The following TLE4 variants were observed in gnomAD, a reference collection of about 807,000 sequenced individuals.
TLE4 encodes transducin-like enhancer protein 4.
TLE4 carries 8 observed loss-of-function variants against 92.8 expected under a neutral mutation model. The observed-to-expected ratio is 0.09, with a 90% CI of 0.05 to 0.16. TLE4 has a LOEUF of 0.16. Ranked by LOEUF, TLE4 falls within the 10% of genes least tolerant of loss-of-function variation. The pLI, the probability that TLE4 is intolerant of heterozygous loss-of-function variation, is 1.00. For synonymous variants in TLE4, 371 were observed against 374.1 expected, an observed-to-expected ratio of 0.99 and a Z score of 0.10; for missense variants, 675 against 997.6, an observed-to-expected ratio of 0.68 and a Z score of 4.36.
At chr9:79,707,014 T>C in intron 11 of TLE4, 115 bp downstream of exon 11, 2 of 1,562,714 alleles carry the variant, frequency 1.3e-6, no homozygotes. Flanking sequence ...TTTCCAAATG[T>C]ATATATGTTC....
At chr9:79,690,236 A>G (rs2066766042) in intron 8 of TLE4, among the ~76,000 whole-genome samples, 1 of 152,118 alleles carries the variant, frequency 6.6e-6, no homozygotes, top group African/African-American at 2.4e-5. Flanking sequence ...ATTCTTCCCA[A>G]GCAGTTCCAG....
intron 6 of TLE4, chr9:79,649,921 TTG>T: frequency 7.6e-7 from 1 of 1,321,172 alleles, no homozygotes; most frequent in African/African-American, 1.5e-5. Flanking sequence ...TTTTTGTTTT[TTG>T]TTTTTTTTTT....
Position 79,679,130 on chromosome 9 carries a change from T to C in TLE4, c.609+25055T>C, listed in dbSNP as rs560013715. Among the ~76,000 whole-genome samples, 10 of 152,204 alleles carry C rather than the reference T, an allele frequency of 6.6e-5. No individual in the cohort carries two copies. In the East Asian group the frequency reaches 1.9e-3, roughly 29 times the overall value. On this transcript the variant is annotated intron_variant, in intron 8 of 19. Coordinates refer to ENST00000376552, the MANE Select transcript of TLE4 (RefSeq NM_007005.6). ...AGCATGATGTATAGTCCTTTGGGTA[T>C]ATACCCAGTAATGGGATGGCTGGGT...
intron 5 of TLE4, among the ~76,000 whole-genome samples, chr9:79,615,251 T>G (rs946329882): frequency 6.6e-6 from 1 of 152,132 alleles, no homozygotes; most frequent in Non-Finnish European, 1.5e-5. Flanking sequence ...TTCAGAGGCA[T>G]GGAAAATCAC....
chr9:79,604,788 TA>T (rs1007355566), intron 4 of TLE4, among the ~76,000 whole-genome samples: 3 of 152,202 alleles, frequency 2.0e-5, no homozygotes, highest in Admixed American at 6.5e-5. Context: ...TTTATTCCTG[TA>T]TCCAAAATTC....
intron 4 of TLE4, among the ~76,000 whole-genome samples, chr9:79,603,721 TGTAGC>T (rs1363939747): frequency 2.0e-5 from 3 of 152,120 alleles, no homozygotes; most frequent in African/African-American, 7.2e-5. Context: ...CCCAAACAAT[TGTAGC>T]GTGCCTGCAA....
At chr9:79,686,598 CA>C (rs1013849362) in intron 8 of TLE4, among the ~76,000 whole-genome samples, 3 of 152,106 alleles carry the variant, frequency 2.0e-5, no homozygotes, top group African/African-American at 7.2e-5. Context: ...CATGAGAAAG[CA>C]AAGAGGAAAG....
At chr9:79,607,648 G>GT (rs1224749968) in intron 4 of TLE4, among the ~76,000 whole-genome samples, 1 of 152,064 alleles carries the variant, frequency 6.6e-6, no homozygotes, top group East Asian at 1.9e-4. Context: ...CCCATTGCTT[G>GT]TTTTTGTCAG....
At chr9:79,644,153 T>C (rs2057687258) in intron 6 of TLE4, among the ~76,000 whole-genome samples, 2 of 152,190 alleles carry the variant, frequency 1.3e-5, no homozygotes, top group African/African-American at 4.8e-5. Flanking sequence ...CATGCTATTC[T>C]TGTGATACTA....
chr9:79,634,332 A>G (rs2055133397), intron 6 of TLE4, among the ~76,000 whole-genome samples: 1 of 152,208 alleles, frequency 6.6e-6, no homozygotes, highest in Admixed American at 6.5e-5. Flanking sequence ...CAATAAAGCT[A>G]GTTTCCATGG....
At chr9:79,627,475 G>C (rs2052910702) in intron 6 of TLE4, 27 bp downstream of exon 6, 2 of 1,609,542 alleles carry the variant, frequency 1.2e-6, no homozygotes, top group African/African-American at 2.7e-5. Flanking sequence ...TTTTAGCTCT[G>C]ATCTTAGTGT....
chr9:79,573,653 T>C (rs770372610), intron 1 of TLE4, 36 bp from the exon 2 acceptor site: 26 of 1,527,392 alleles, frequency 1.7e-5, no homozygotes, highest in African/African-American at 2.7e-5. Context: ...TCGCCTGTGA[T>C]GTGGGCTAAT....
intron 5 of TLE4, among the ~76,000 whole-genome samples, chr9:79,624,078 A>G (rs1317618077): frequency 2.6e-5 from 4 of 151,800 alleles, no homozygotes; most frequent in East Asian, 1.9e-4. Flanking sequence ...AGTGGAAGAC[A>G]AGGCAGACAT....
chr9:79,711,192 C>T (rs1246773899), intron 14 of TLE4, among the ~76,000 whole-genome samples: 1 of 152,182 alleles, frequency 6.6e-6, no homozygotes, highest in African/African-American at 2.4e-5. Context: ...ACAGTGCTGG[C>T]TCCACAGCCA....
intron 5 of TLE4, 61 bp downstream of exon 5, chr9:79,612,779 A>G: frequency 1.4e-6 from 2 of 1,417,170 alleles, no homozygotes; most frequent in Non-Finnish European, 1.0e-6. Flanking sequence ...TTTGCAGAAA[A>G]GGGATTGTAG....
At position 79,606,483 on chromosome 9, in the gene TLE4, C is replaced by T. The variant is rs1050320146; in HGVS notation, c.253-6173C>T. ...ATGTGGTTTGCTGCAGCCATCAACT[C>T]GTCATTTACATTAGGTATTTCTCCT... is the stretch of plus-strand genomic sequence containing the variant. On this transcript the variant is annotated intron_variant, in intron 4 of 19. Transcript: ENST00000376552. 6.0e-5 allele frequency among the ~76,000 whole-genome samples: 9 copies of T among 151,194 alleles called. No homozygotes were observed. The East Asian group carries it at 7.8e-4, about 13-fold the overall frequency.
intron 8 of TLE4, among the ~76,000 whole-genome samples, chr9:79,679,198 C>T (rs1012516222): frequency 1.4e-4 from 22 of 152,110 alleles, no homozygotes; most frequent in Admixed American, 5.2e-4. Flanking sequence ...AATCGCCACA[C>T]TGACTTCCAC....
rs116117439 is a variant in TLE4, at chr9:79,685,710, G to A, written c.610-19073G>A. Among the ~76,000 whole-genome samples, 323 of 152,288 alleles carry A rather than the reference G, an allele frequency of 2.1e-3. 1 individual carries two copies. Among genetic ancestry groups the A allele is most frequent in the African/African-American group, 7.5e-3 (313 of 41,562 alleles). The stretch of plus-strand genomic sequence containing the variant: ...ATTTGGATTGAACAGAAGGTCATAT[G>A]TCTGAACATCACTTATCCCACTTAA... On this transcript the variant is annotated intron_variant, in intron 8 of 19. Transcript: ENST00000376552.
At chr9:79,637,732 A>G (rs1199286920) in intron 6 of TLE4, among the ~76,000 whole-genome samples, 1 of 152,194 alleles carries the variant, frequency 6.6e-6, no homozygotes, top group Non-Finnish European at 1.5e-5. Flanking sequence ...TTATAAACAC[A>G]GCTGTTAAGG....
Sources: allele counts gnomAD v4.1 joint callset (sites outside exome capture counted in the v4.1 genomes callset), GRCh38; gene constraint gnomAD v4.1.1; transcripts MANE v1.5; gene names NCBI Gene and HGNC (gene_info 2026-07-23, HGNC 2026-07-21).